RIPK2: variants seen among roughly 807,000 people sequenced by gnomAD.
The protein encoded by RIPK2 is receptor-interacting serine/threonine-protein kinase 2.
In RIPK2, 38 loss-of-function variants were observed where a neutral mutation model predicts 60.9. The ratio of observed to expected loss-of-function variants is 0.62; its 90% CI spans 0.48 to 0.82. The LOEUF (loss-of-function observed/expected upper bound fraction) is 0.82, where lower values mean the gene tolerates loss of function less well. Among genes scored for constraint, RIPK2 ranks in the 40% least tolerant of loss-of-function variants. RIPK2 has a pLI of 0.00. For missense variants in RIPK2, 518 were observed against 647.0 expected, an observed-to-expected ratio of 0.80 and a Z score of 2.16; for synonymous variants, 225 against 223.4, an observed-to-expected ratio of 1.01 and a Z score of -0.06.
chr8:89,766,465 C>T (rs1809230705), intron 3 of RIPK2, among the ~76,000 whole-genome samples: 1 of 151,850 alleles, frequency 6.6e-6, no homozygotes, highest in Admixed American at 6.6e-5. Context: ...GTGAGAGATC[C>T]AGCTATTCCG....
Position 89,762,887 on chromosome 8 carries a change from A to G in RIPK2, c.232A>G (p.Ile78Val). Residue 78 changes from isoleucine to valine, a missense_variant, in exon 2 of 11, where the codon ATT (isoleucine) becomes GTT (valine). Transcript: ENST00000220751. ...TTTACACAAAGCTAGATTTAGTTAC[A>G]TTCTTCCAATTTTGGGAATTTGCAA... ...EILHKARFSY[I>V]LPILGICNEP... 1 of 1,543,502 alleles carries G rather than the reference A, an allele frequency of 6.5e-7. No individual in the cohort carries two copies. Among genetic ancestry groups the G allele is most frequent in the Non-Finnish European group, 8.8e-7 (1 of 1,137,408 alleles).
At chr8:89,759,455 C>T (rs966610768) in intron 1 of RIPK2, 1 of 452,874 alleles carries the variant, frequency 2.2e-6, no homozygotes, top group South Asian at 1.6e-5. Flanking sequence ...CTGTGAGTAT[C>T]CAGCATCAGA....
chr8:89,765,433 T>C lies in RIPK2; in HGVS notation c.420T>C (p.Pro140=), dbSNP rs1471015178. The C allele has an allele frequency of 6.2e-7, 1 of 1,600,526 alleles. No individual in the cohort carries two copies. Among genetic ancestry groups the C allele is most frequent in the Non-Finnish European group, 8.6e-7 (1 of 1,168,318 alleles). Residue 140 remains proline (P), a synonymous_variant, in exon 3 of 11, where the codon CCT becomes CCC. Coordinates refer to ENST00000220751, the MANE Select transcript of RIPK2 (RefSeq NM_003821.6). ...LGVNYLHNMT[P]PLLHHDLKTQ... ...TAAATTACCTGCACAATATGACTCC[T>C]CCTTTACTTCATCATGACTTGAAGA...
intron 1 of RIPK2, among the ~76,000 whole-genome samples, chr8:89,760,982 G>A (rs390993): frequency 0.16 from 24,710 of 152,144 alleles, 2,712 homozygotes; most frequent in Non-Finnish European, 0.24. Context: ...TAATTAAAAT[G>A]GGTCTCACAA....
chr8:89,758,368 C>T, intron 1 of RIPK2, 135 bp downstream of exon 1: 1 of 922,324 alleles, frequency 1.1e-6, no homozygotes, highest in African/African-American at 1.7e-5. Flanking sequence ...CTAGGGAGCC[C>T]TTCAAGCTTG....
At chr8:89,779,918 T>C (rs1809470406) in intron 6 of RIPK2, among the ~76,000 whole-genome samples, 157 bp from the exon 7 acceptor site, 1 of 152,200 alleles carries the variant, frequency 6.6e-6, no homozygotes, top group Non-Finnish European at 1.5e-5. Context: ...TTGTTGCTTA[T>C]GTCTATCTTT....
chr8:89,759,229 T>C (rs1809104784), intron 1 of RIPK2: 2 of 449,584 alleles, frequency 4.4e-6, no homozygotes, highest in Non-Finnish European at 9.0e-6. Context: ...CATTAGTTTC[T>C]GTTTTCAGAA....
chr8:89,783,205 G>A (rs937833811), intron 7 of RIPK2, among the ~76,000 whole-genome samples: 22 of 152,154 alleles, frequency 1.4e-4, no homozygotes, highest in African/African-American at 5.3e-4. Flanking sequence ...CATTATGATG[G>A]TCTGGGGAAG....
chr8:89,786,636 C>T lies in RIPK2; in HGVS notation c.1073C>T (p.Pro358Leu). The T allele has an allele frequency of 6.2e-7, 1 of 1,602,646 alleles. No individual in the cohort carries two copies. Among genetic ancestry groups the T allele is most frequent in the South Asian group, 1.1e-5 (1 of 90,300 alleles). ...SSQLHENSGS[P>L]ETSRSLPAPQ... ...CAGCTCCATGAAAATAGTGGTTCTC[C>T]TGAAACTTCAAGGTCCCTGCCAGCT... Residue 358 changes from proline (P) to leucine (L), a missense_variant, in exon 9 of 11, where the codon CCT (proline) becomes CTT (leucine). This residue lies in a region of RIPK2 where 448 missense variants were observed against 534.7 expected (regional missense o/e 0.84). Transcript: ENST00000220751.
At chr8:89,772,516 G>C in intron 5 of RIPK2, 151 bp from the exon 6 acceptor site, 1 of 561,976 alleles carries the variant, frequency 1.8e-6, no homozygotes, top group South Asian at 2.4e-5. Context: ...GCAATGGTTT[G>C]GGGTATATAT....
chr8:89,760,501 TA>T (rs1586115492), intron 1 of RIPK2, among the ~76,000 whole-genome samples: 1 of 152,102 alleles, frequency 6.6e-6, no homozygotes, highest in Non-Finnish European at 1.5e-5. Flanking sequence ...CTTTTGGCTT[TA>T]AAAAAAATTT....
rs1301996926 is a variant in RIPK2 at position 89,758,202 on chromosome 8, C to T, written c.142C>T (p.His48Tyr). 1 of 1,609,862 alleles carries T rather than the reference C, an allele frequency of 6.2e-7. No homozygotes were observed. The highest frequency in any genetic ancestry group is 1.1e-5 in the South Asian group (1 of 90,504). The change falls in exon 1 of 11, where the codon CAC becomes TAC. Residue 48 changes from histidine (H) to tyrosine (Y), a missense_variant. By Grantham distance (83) the His-to-Tyr change is moderately conservative (BLOSUM62 2). Transcript: ENST00000220751. The part of the protein sequence containing the change: ...ADWRVQVAVK[H>Y]LHIHTPLLDS... ...CTGGCGCGTCCAGGTGGCCGTGAAGCACCTGCACATCCACACTCCGCTGCT... is the reference window on the plus strand; with the variant it reads ...CTGGCGCGTCCAGGTGGCCGTGAAGTACCTGCACATCCACACTCCGCTGCT...
At chr8:89,786,740 G>T in intron 9 of RIPK2, 54 bp downstream of exon 9, 1 of 1,082,440 alleles carries the variant, frequency 9.2e-7, no homozygotes, top group East Asian at 2.4e-5. Flanking sequence ...TTTCTTTCAA[G>T]ATCAAATTTT....
rs560207800 is a variant in RIPK2 at position 89,761,690 on chromosome 8, G to A, written c.174-1139G>A. On this transcript the variant is annotated intron_variant, in intron 1 of 10. Transcript: ENST00000220751. ...CAGAGTAGGGAGGGCCAGTCTGGGCGACATAGCAAGATCTGGTCTGTTAAA... is the reference window on the plus strand; with the variant it reads ...CAGAGTAGGGAGGGCCAGTCTGGGCAACATAGCAAGATCTGGTCTGTTAAA... 4.7e-5 allele frequency among the ~76,000 whole-genome samples: 7 copies of A among 147,444 alleles called. No homozygotes were observed. The East Asian group carries it at 5.9e-4, about 12-fold the overall frequency.
Position 89,789,369 on chromosome 8 carries a change from A to G in RIPK2, c.1172A>G (p.Asn391Ser). The change falls in exon 10 of 11, where the codon AAT (asparagine) becomes AGT (serine). Residue 391 changes from asparagine (N) to serine (S), a missense_variant. Asn to Ser is a conservative substitution (Grantham distance 46). This residue lies in a region of RIPK2 where 448 missense variants were observed against 534.7 expected (regional missense o/e 0.84). Transcript: ENST00000220751. ...ATGAAGCTGCATCACTGTCCTGGAA[A>G]TCACAGTTGGGATAGCACCATTTCT... ...YFMKLHHCPG[N>S]HSWDSTISGS... 6.2e-7 allele frequency: 1 copy of G among 1,614,140 alleles called. No individual in the cohort carries two copies. Among genetic ancestry groups the G allele is most frequent in the Non-Finnish European group, 8.5e-7 (1 of 1,179,988 alleles).
chr8:89,790,056 A>G (rs770937835), intron 10 of RIPK2, 23 bp from the exon 11 acceptor site: 2 of 1,556,450 alleles, frequency 1.3e-6, no homozygotes, highest in African/African-American at 2.7e-5. Flanking sequence ...CTTTTAAATT[A>G]TTCATTCCTT....
chr8:89,764,175 T>A (rs192575061), intron 2 of RIPK2, among the ~76,000 whole-genome samples: 2 of 152,298 alleles, frequency 1.3e-5, no homozygotes, highest in East Asian at 3.8e-4. Context: ...AAGTTACCTT[T>A]TTTACAGATT....
At chr8:89,770,153 C>T (rs1809290371) in intron 4 of RIPK2, among the ~76,000 whole-genome samples, 1 of 151,834 alleles carries the variant, frequency 6.6e-6, no homozygotes, top group Non-Finnish European at 1.5e-5. Context: ...TAAAGCATCT[C>T]TTCTTATCCT....
At chr8:89,781,354 A>ATTTTTTT (rs58525879) in intron 7 of RIPK2, among the ~76,000 whole-genome samples, 2 of 143,956 alleles carry the variant, frequency 1.4e-5, no homozygotes, top group East Asian at 2.1e-4. Flanking sequence ...AATAGATTGA[A>ATTTTTTT]TTTTTTTTTT....
Sources: gnomAD v4.1 joint callset for allele counts (sites outside exome capture counted in the v4.1 genomes callset) on GRCh38, gnomAD v4.1.1 for gene constraint, gnomAD v4.1.1 regional missense constraint, MANE v1.5 for transcripts, NCBI Gene and HGNC (gene_info 2026-07-23, HGNC 2026-07-21) for gene names.